The following CHRAC1 variants were observed in gnomAD, a reference collection of about 807,000 sequenced individuals.
CHRAC1 encodes chromatin accessibility complex protein 1.
CHRAC1 carries 6 observed loss-of-function variants against 9.1 expected under a neutral mutation model. That is an observed-to-expected ratio of 0.66 (90% CI 0.36 to 1.29). The LOEUF is 1.29. CHRAC1 is among the 50% of genes most tolerant of loss of function. The pLI is 0.03. For synonymous variants in CHRAC1, 73 were observed against 64.5 expected (o/e 1.13, Z -0.63); for missense variants, 168 against 163.5 (o/e 1.03, Z -0.15).
chr8:140,512,101 TCA>T, intron 1 of CHRAC1: 2 of 1,117,034 alleles, frequency 1.8e-6, no homozygotes, highest in Middle Eastern at 2.3e-4. Context: ...CGTGCGGCGC[TCA>T]GTTTCCGGCC....
Position 140,514,375 on chromosome 8 carries a change from T to C in CHRAC1, c.154T>C (p.Phe52Leu), listed in dbSNP as rs2132816004. 6.3e-7 allele frequency: 1 copy of C among 1,582,708 alleles called. No homozygotes were observed. The highest frequency in any genetic ancestry group is 2.3e-5 in the East Asian group (1 of 44,016). The part of the protein sequence containing the change: ...LVLTAKATEL[F>L]VQCLATYSYR... ...ATTTTTCATTTTGTTCTAGGAGCTC[T>C]TTGTTCAATGCCTAGCCACCTATTC... The change falls in exon 2 of 3, where the codon TTT becomes CTT. Residue 52 changes from phenylalanine to leucine, a missense_variant. By Grantham distance (22) the Phe-to-Leu change is conservative. Transcript: ENST00000220913.
chr8:140,512,007 G>C, intron 1 of CHRAC1: 1 of 1,286,454 alleles, frequency 7.8e-7, no homozygotes. Flanking sequence ...TTTCTCTCGC[G>C]CTTCCATTCG....
chr8:140,511,992 C>G, intron 1 of CHRAC1: 1 of 1,293,270 alleles, frequency 7.7e-7, no homozygotes, highest in Non-Finnish European at 1.0e-6. Flanking sequence ...ACTGTCCTCC[C>G]GCCGTTTCTC....
intron 1 of CHRAC1, 43 bp downstream of exon 1, chr8:140,511,689 C>T: frequency 2.3e-6 from 3 of 1,286,354 alleles, no homozygotes; most frequent in Non-Finnish European, 3.0e-6. Flanking sequence ...TTACCCCTCG[C>T]GCCCCGCCCC....
rs1357760029 is a variant in CHRAC1, at chr8:140,514,437, G to A, written c.216G>A (p.Leu72=). The change falls in exon 2 of 3, where the codon CTG becomes CTA. Residue 72 remains leucine, a synonymous_variant. Coordinates refer to ENST00000220913, the MANE Select transcript of CHRAC1 (RefSeq NM_017444.6). ...GCAGTGGAAAGGAAAAGAAAGTACT[G>A]ACTTACAGTGATTTAGCAAACACTG... is the stretch of plus-strand genomic sequence containing the variant. ...RHGSGKEKKV[L]TYSDLANTAQ... 12 of 1,583,324 alleles carry A rather than the reference G, an allele frequency of 7.6e-6. 1 individual carries two copies. In the South Asian group the frequency reaches 1.4e-4, roughly 19 times the overall value.
intron 1 of CHRAC1, 96 bp downstream of exon 1, chr8:140,511,742 C>T (rs926686465): frequency 7.1e-6 from 8 of 1,134,606 alleles, no homozygotes; most frequent in Non-Finnish European, 9.1e-6. Flanking sequence ...GCCCGCGCGC[C>T]GCCGGCTGCT....
chr8:140,513,948 T>C (rs1315201148), intron 1 of CHRAC1, among the ~76,000 whole-genome samples: 2 of 125,712 alleles, frequency 1.6e-5, no homozygotes, highest in Non-Finnish European at 1.6e-5. Flanking sequence ...TGAGACGGAG[T>C]CTTGCTTGAT....
intron 1 of CHRAC1, among the ~76,000 whole-genome samples, chr8:140,514,009 C>T (rs117950525): frequency 0.07 from 10,189 of 146,168 alleles, 506 homozygotes; most frequent in Middle Eastern, 0.17. Context: ...CAGGTTCAGG[C>T]GATTCGCCTG....
intron 1 of CHRAC1, among the ~76,000 whole-genome samples, chr8:140,512,388 G>A (rs889891900): frequency 1.3e-5 from 2 of 152,348 alleles, no homozygotes; most frequent in African/African-American, 4.8e-5. Flanking sequence ...TCGTCTAAGA[G>A]GCAGCACATT....
At position 140,516,927 on chromosome 8, in the gene CHRAC1, C is replaced by T. The variant is rs2072344709; in HGVS notation, c.*1680C>T. On this transcript the variant is annotated 3_prime_UTR_variant, in exon 3 of 3. Transcript: ENST00000220913. ...TTCAAGCTTTGTGGGCTTTTATAGT[C>T]TCTGTTGCTGCTGCTGAACTCAGCT... 6.6e-6 allele frequency: 1 copy of T among 152,096 alleles called. No homozygotes were observed. The highest frequency in any genetic ancestry group is 1.5e-5 in the Non-Finnish European group (1 of 68,022). The allele number at this position is 152,096 out of a possible 1,614,324, so 9.4% of individuals were successfully genotyped here. A position where few individuals can be genotyped will look rare whatever the true frequency, so the allele number is the denominator to read the frequency against.
intron 1 of CHRAC1, among the ~76,000 whole-genome samples, chr8:140,513,584 A>G (rs538005596): frequency 8.6e-4 from 128 of 149,374 alleles, no homozygotes; most frequent in African/African-American, 3.0e-3. Flanking sequence ...TACAGCCGCC[A>G]CCATGCCCGG....
In CHRAC1 at chr8:140,516,951, C is replaced by CTGT. The variant is rs2072344909; in HGVS notation, c.*1708_*1710dup. The CTGT allele has an allele frequency of 6.6e-6, 1 of 152,208 alleles. No individual in the cohort carries two copies. The highest frequency in any genetic ancestry group is 1.9e-4 in the East Asian group (1 of 5,202). The allele number at this position is 152,208 out of a possible 1,614,324, so 9.4% of individuals were successfully genotyped here. A position where few individuals can be genotyped will look rare whatever the true frequency, so the allele number is the denominator to read the frequency against. On this transcript the variant is annotated 3_prime_UTR_variant, in exon 3 of 3. Coordinates refer to ENST00000220913, the MANE Select transcript of CHRAC1 (RefSeq NM_017444.6). The stretch of plus-strand genomic sequence containing the variant: ...TCTCTGTTGCTGCTGCTGAACTCAG[C>CTGT]TGTTGTAGCACGAAAGCAGCCAGGT...
intron 1 of CHRAC1, 73 bp downstream of exon 1, chr8:140,511,719 C>T (rs1332084651): frequency 8.0e-7 from 1 of 1,244,368 alleles, no homozygotes; most frequent in Non-Finnish European, 1.0e-6. Context: ...TGGGCACTGC[C>T]CAGTCCCCTT....
At chr8:140,513,782 C>T (rs1030796463) in intron 1 of CHRAC1, among the ~76,000 whole-genome samples, 7 of 150,952 alleles carry the variant, frequency 4.6e-5, no homozygotes, top group African/African-American at 1.7e-4. Flanking sequence ...GGTCATTAAA[C>T]AGTTACGATT....
chr8:140,514,946 C>G (rs2072318594), intron 2 of CHRAC1, 180 bp from the exon 3 acceptor site: 1 of 589,748 alleles, frequency 1.7e-6, no homozygotes, highest in East Asian at 3.0e-5. Flanking sequence ...AGGCCTATAG[C>G]GTTCGTTAGG....
At position 140,516,780 on chromosome 8, in the gene CHRAC1, C is replaced by T. The variant is rs1017937733; in HGVS notation, c.*1533C>T. The T allele has an allele frequency of 2.0e-5, 3 of 152,236 alleles. No individual in the cohort carries two copies. The highest frequency in any genetic ancestry group is 4.4e-5 in the Non-Finnish European group (3 of 68,056). The allele number at this position is 152,236 out of a possible 1,614,324, so 9.4% of individuals were successfully genotyped here. A position where few individuals can be genotyped will look rare whatever the true frequency, so the allele number is the denominator to read the frequency against. ...CCACAATTAACAGCTATATCACCCT[C>T]CAGTAAATTCCCTGTGGTCAGCTCC... On this transcript the variant is annotated 3_prime_UTR_variant, in exon 3 of 3. Transcript: ENST00000220913.
In CHRAC1 at chr8:140,515,336, G is replaced by T; in HGVS notation, c.*89G>T. 1 of 1,362,428 alleles carries T rather than the reference G, an allele frequency of 7.3e-7. No homozygotes were observed. The allele number at this position is 1,362,428 out of a possible 1,614,324, so 84.4% of individuals were successfully genotyped here. A position where few individuals can be genotyped will look rare whatever the true frequency, so the allele number is the denominator to read the frequency against. ...GTAAACACAGCACTGCCCGCTTTTA[G>T]CGTCTTCACTTCTTCACAGAGTTCC... is the stretch of plus-strand genomic sequence containing the variant. On this transcript the variant is annotated 3_prime_UTR_variant, in exon 3 of 3. Transcript: ENST00000220913.
rs1302469884 is a variant in CHRAC1, at chr8:140,515,398, C to T, written c.*151C>T. 10 of 789,358 alleles carry T rather than the reference C, an allele frequency of 1.3e-5. No homozygotes were observed. The highest frequency in any genetic ancestry group is 3.5e-4 in the Middle Eastern group (1 of 2,894). 48.9% of individuals were successfully genotyped at this position (789,358 alleles called of 1,614,324 possible). A position where few individuals can be genotyped will look rare whatever the true frequency, so the allele number is the denominator to read the frequency against. Reference sequence around the variant, plus strand: ...TTCTTTCGAGGTATTCTTTCCAGGCCGAGATTGAGCACCTCATGTACCTAC... The same window carrying T: ...TTCTTTCGAGGTATTCTTTCCAGGCTGAGATTGAGCACCTCATGTACCTAC... On this transcript the variant is annotated 3_prime_UTR_variant, in exon 3 of 3. Transcript: ENST00000220913.
intron 1 of CHRAC1, chr8:140,511,857 C>CACTG: frequency 1.3e-6 from 1 of 770,120 alleles, no homozygotes; most frequent in South Asian, 1.4e-5. Context: ...CCGCCCACCC[C>CACTG]TCGCCGCTCC....
Sources: gnomAD v4.1 joint callset for allele counts (sites outside exome capture counted in the v4.1 genomes callset) on GRCh38, gnomAD v4.1.1 for gene constraint, MANE v1.5 for transcripts, NCBI Gene and HGNC (gene_info 2026-07-23, HGNC 2026-07-21) for gene names.